The following DCT variants were observed in gnomAD, a reference collection of about 807,000 sequenced individuals.
The protein encoded by DCT is dopachrome tautomerase.
In DCT, 47 loss-of-function variants were observed where a neutral mutation model predicts 53.0. The ratio of observed to expected loss-of-function variants is 0.89; its 90% confidence interval spans 0.70 to 1.13. The LOEUF (loss-of-function observed/expected upper bound fraction) is 1.13, where lower values mean the gene tolerates loss of function less well. DCT is among the 50% of genes most tolerant of loss of function. The probability of loss-of-function intolerance (pLI) is 0.00; values close to 1 mark genes in which losing one functional copy is unlikely to be tolerated. For synonymous variants in DCT, 244 were observed against 237.0 expected, an observed-to-expected ratio of 1.03 and a Z score of -0.27; for missense variants, 669 against 637.4, an observed-to-expected ratio of 1.05 and a Z score of -0.53.
At chr13:94,503,741 TG>T in the DCT span, among the ~76,000 whole-genome samples, 1 of 152,226 alleles carries the variant, frequency 6.6e-6, no homozygotes, top group Non-Finnish European at 1.5e-5. Context: ...TTCAGACTTC[TG>T]GCCTCCACAA....
chr13:94,530,215 A>T, the DCT span, among the ~76,000 whole-genome samples: 1 of 152,218 alleles, frequency 6.6e-6, no homozygotes, highest in African/African-American at 2.4e-5. Context: ...AGGTACAAAG[A>T]GGAGCTGGGA....
intron 6 of DCT, among the ~76,000 whole-genome samples, chr13:94,450,940 G>T (rs1395196772): frequency 6.6e-6 from 1 of 152,138 alleles, no homozygotes; most frequent in Non-Finnish European, 1.5e-5. Context: ...GAATGAATTG[G>T]ATGTAATTCA....
the DCT span, among the ~76,000 whole-genome samples, chr13:94,492,367 T>A: frequency 6.6e-6 from 1 of 152,324 alleles, no homozygotes; most frequent in Admixed American, 6.5e-5. Context: ...GGTCTTCTCC[T>A]CATAGATGTT....
intron 1 of DCT, among the ~76,000 whole-genome samples, chr13:94,472,515 TACATAC>T (rs1217619265): frequency 0.29 from 14,689 of 50,098 alleles, 2,470 homozygotes; most frequent in Non-Finnish European, 0.36. Context: ...AATATATACA[TACATAC>T]ATATATATAT....
At chr13:94,450,015 T>C (rs1882976885) in intron 6 of DCT, among the ~76,000 whole-genome samples, 2 of 152,116 alleles carry the variant, frequency 1.3e-5, no homozygotes, top group Admixed American at 1.3e-4. Flanking sequence ...AGTGTGATGG[T>C]AATAGGAAAT....
At chr13:94,460,283 T>C in intron 5 of DCT, 57 bp from the exon 6 acceptor site, 1 of 1,544,146 alleles carries the variant, frequency 6.5e-7, no homozygotes, top group Non-Finnish European at 8.9e-7. Flanking sequence ...GGTCTCTTTT[T>C]TGTTGTTTTC....
intron 6 of DCT, among the ~76,000 whole-genome samples, chr13:94,445,258 G>A (rs1159265535): frequency 6.6e-6 from 1 of 152,190 alleles, no homozygotes; most frequent in Admixed American, 6.5e-5. Context: ...GTGAGTTTCT[G>A]ACTCTTTTAT....
upstream of DCT, among the ~76,000 whole-genome samples, chr13:94,481,974 C>T (rs1452410165): frequency 6.6e-6 from 1 of 152,142 alleles, no homozygotes; most frequent in Non-Finnish European, 1.5e-5. Context: ...CCAACAGATC[C>T]GTGAATGGTG....
In DCT at chr13:94,466,624, T is replaced by C. The variant is rs545058560; in HGVS notation, c.630A>G (p.Ser210=). ...PGRPYRAIDF[S]HQGPAFVTWH... Reference sequence around the variant, plus strand: ...AGGTAACAAATGCAGGTCCTTGATGTGAGAAATCTATGGCCCTGTAGGGGC... The same window carrying C: ...AGGTAACAAATGCAGGTCCTTGATGCGAGAAATCTATGGCCCTGTAGGGGC... Residue 210 remains serine, a synonymous_variant, in exon 3 of 8, where the codon TCA becomes TCG. Transcript: ENST00000377028. The C allele has an allele frequency of 1.9e-6, 3 of 1,611,878 alleles. No homozygotes were observed. The African/African-American group carries it at 4.0e-5, about 21-fold the overall frequency.
chr13:94,476,973 C>T (rs1249892440), intron 1 of DCT, among the ~76,000 whole-genome samples: 1 of 152,082 alleles, frequency 6.6e-6, no homozygotes, highest in Non-Finnish European at 1.5e-5. Context: ...TAATATATAT[C>T]CAATATGTTA....
the DCT span, among the ~76,000 whole-genome samples, chr13:94,547,466 C>T: frequency 2.6e-5 from 4 of 152,042 alleles, no homozygotes; most frequent in African/African-American, 9.7e-5. Flanking sequence ...AACTTGTGTT[C>T]ATCTCTCACT....
At position 94,462,033 on chromosome 13, in the gene DCT, G is replaced by A; in HGVS notation, c.1020C>T (p.Phe340=). The change falls in exon 5 of 8, where the codon TTC becomes TTT. Residue 340 remains phenylalanine (F), a synonymous_variant. Coordinates refer to ENST00000377028, the MANE Select transcript of DCT (RefSeq NM_001922.5). The part of the protein sequence containing the change: ...SLQKFDNPPF[F]QNSTFSFRNA... ...ACCTGAAACTGAAGGTAGAGTTCTGGAAGAAGGGAGGATTGTCAAACTTCT... is the reference window on the plus strand; with the variant it reads ...ACCTGAAACTGAAGGTAGAGTTCTGAAAGAAGGGAGGATTGTCAAACTTCT... The A allele has an allele frequency of 1.2e-6, 2 of 1,613,286 alleles. No homozygotes were observed. Among genetic ancestry groups the A allele is most frequent in the Non-Finnish European group, 1.7e-6 (2 of 1,179,890 alleles).
chr13:94,522,635 C>T, the DCT span, among the ~76,000 whole-genome samples: 1 of 152,134 alleles, frequency 6.6e-6, no homozygotes, highest in Non-Finnish European at 1.5e-5. Flanking sequence ...AAAAGTGAGA[C>T]GTAGTCCCAA....
rs1882031943 is a variant in DCT, at chr13:94,438,265, AT to A, written c.*1632del. On this transcript the variant is annotated 3_prime_UTR_variant, in exon 8 of 8. Coordinates refer to ENST00000377028, the MANE Select transcript of DCT (RefSeq NM_001922.5). ...GCTGTATTTTCCATGAATATTGTTA[AT>A]GGCAGGAACTGAGAGGTATCCATGT... 6.2e-6 allele frequency: 1 copy of A among 160,398 alleles called. No homozygotes were observed. The highest frequency in any genetic ancestry group is 6.3e-5 in the Admixed American group (1 of 15,820). 9.9% of individuals were successfully genotyped at this position (160,398 alleles called of 1,614,324 possible).
At chr13:94,500,078 T>G in the DCT span, among the ~76,000 whole-genome samples, 1 of 152,162 alleles carries the variant, frequency 6.6e-6, no homozygotes, top group Non-Finnish European at 1.5e-5. Context: ...TAGTTAAGTA[T>G]AGTCACCGGG....
intron 1 of DCT, among the ~76,000 whole-genome samples, chr13:94,476,222 A>G (rs925112328): frequency 1.7e-5 from 2 of 116,346 alleles, no homozygotes; most frequent in African/African-American, 6.8e-5. Flanking sequence ...GTAGGTCTCC[A>G]TGATCCTAAG....
the DCT span, among the ~76,000 whole-genome samples, chr13:94,536,770 C>A: frequency 5.9e-5 from 9 of 152,218 alleles, no homozygotes; most frequent in African/African-American, 2.2e-4. Context: ...TGGTGAAACC[C>A]CTTCTCTATT....
intron 6 of DCT, among the ~76,000 whole-genome samples, chr13:94,448,914 T>A (rs9590013): frequency 0.067 from 10,158 of 150,958 alleles, 428 homozygotes; most frequent in African/African-American, 0.12. Context: ...AAAAAAAAAA[T>A]AATAATAATA....
At chr13:94,451,531 A>T (rs897122569) in intron 6 of DCT, among the ~76,000 whole-genome samples, 11 of 152,232 alleles carry the variant, frequency 7.2e-5, no homozygotes, top group African/African-American at 2.7e-4. Context: ...ACCTTGACAC[A>T]TTTCTTAGCC....
Sources: allele counts gnomAD v4.1 joint callset (sites outside exome capture counted in the v4.1 genomes callset), GRCh38; gene constraint gnomAD v4.1.1; transcripts MANE v1.5; gene names NCBI Gene and HGNC (gene_info 2026-07-23, HGNC 2026-07-21).